LRRC42: variants seen among roughly 807,000 people sequenced by gnomAD.
The protein encoded by LRRC42 is leucine rich repeat containing 42.
LRRC42 carries 43 observed loss-of-function variants against 44.3 expected under a neutral mutation model. That is an observed-to-expected ratio of 0.97 (90% CI 0.76 to 1.25). The LOEUF (loss-of-function observed/expected upper bound fraction) is 1.25, where lower values mean the gene tolerates loss of function less well. Ranked by LOEUF, LRRC42 falls within the 50% of genes most tolerant of loss-of-function variation. The pLI is 0.00. For missense variants in LRRC42, 540 were observed against 509.1 expected (o/e 1.06, Z -0.58); for synonymous variants, 207 against 195.2 (o/e 1.06, Z -0.50).
chr1:53,964,504 G>T (rs1245853941), intron 7 of LRRC42, among the ~76,000 whole-genome samples: 1 of 152,050 alleles, frequency 6.6e-6, no homozygotes, highest in South Asian at 2.1e-4. Flanking sequence ...TCCCCGACCA[G>T]CTCTTATTGA....
chr1:53,960,191 T>C (rs2100927542), intron 4 of LRRC42, among the ~76,000 whole-genome samples, 165 bp from the exon 5 acceptor site: 1 of 152,336 alleles, frequency 6.6e-6, no homozygotes, highest in South Asian at 2.1e-4. Flanking sequence ...TGAGCCACCA[T>C]GCCCAGCCCA....
intron 4 of LRRC42, among the ~76,000 whole-genome samples, chr1:53,959,510 G>C (rs1211016832): frequency 6.6e-6 from 1 of 152,180 alleles, no homozygotes; most frequent in Non-Finnish European, 1.5e-5. Context: ...AAAAGATGCT[G>C]TTGTGTGAGG....
intron 4 of LRRC42, among the ~76,000 whole-genome samples, chr1:53,960,030 C>T (rs1020498817): frequency 6.6e-6 from 1 of 151,164 alleles, no homozygotes; most frequent in African/African-American, 2.4e-5. Flanking sequence ...AAGCCATCTT[C>T]CTGCCTCAGC....
At chr1:53,967,568 T>A in intron 8 of LRRC42, 97 bp from the exon 9 acceptor site, 1 of 1,174,744 alleles carries the variant, frequency 8.5e-7, no homozygotes, top group Middle Eastern at 2.1e-4. Flanking sequence ...TATCACCCTG[T>A]TTGGGCCTTT....
At chr1:53,960,866 C>T (rs1026437012) in intron 5 of LRRC42, among the ~76,000 whole-genome samples, 5 of 152,094 alleles carry the variant, frequency 3.3e-5, no homozygotes, top group Non-Finnish European at 7.4e-5. Context: ...GCTGGATGAA[C>T]GGATAATTTA....
In LRRC42 at chr1:53,967,732, C is replaced by A; in HGVS notation, c.1080C>A (p.Ser360=). 6.2e-7 allele frequency: 1 copy of A among 1,614,082 alleles called. No individual in the cohort carries two copies. Among genetic ancestry groups the A allele is most frequent in the South Asian group, 1.1e-5 (1 of 91,074 alleles). Residue 360 remains serine (S), a synonymous_variant, in exon 9 of 9, where the codon TCC becomes TCA. Coordinates refer to ENST00000371370, the MANE Select transcript of LRRC42 (RefSeq NM_001256409.2). The part of the protein sequence containing the change: ...CPLADTHMNS[S]EKLQFYKEKA... ...TGGCAGACACCCACATGAACTCTTC[C>A]GAGAAACTCCAGTTCTATAAAGAGA...
chr1:53,960,573 G>C, intron 5 of LRRC42, 99 bp downstream of exon 5: 1 of 910,690 alleles, frequency 1.1e-6, no homozygotes, highest in South Asian at 1.7e-5. Flanking sequence ...AGAAAGGAAA[G>C]GTGACTTTCC....
chr1:53,951,261 A>G (rs776551160), intron 2 of LRRC42, among the ~76,000 whole-genome samples: 2 of 152,392 alleles, frequency 1.3e-5, no homozygotes, highest in East Asian at 3.9e-4. Flanking sequence ...CGTGTAAGTC[A>G]TAATGTATTT....
chr1:53,956,261 A>G (rs774918461), intron 3 of LRRC42, among the ~76,000 whole-genome samples: 3 of 152,208 alleles, frequency 2.0e-5, no homozygotes, highest in Admixed American at 6.5e-5. Context: ...CTGAATTCCA[A>G]CCTTACGAAA....
At chr1:53,953,012 A>T (rs775777628) in intron 3 of LRRC42, among the ~76,000 whole-genome samples, 2 of 152,234 alleles carry the variant, frequency 1.3e-5, no homozygotes, top group Non-Finnish European at 2.9e-5. Flanking sequence ...CATATGCTTT[A>T]TTTAAAATTT....
In LRRC42 at chr1:53,966,316, T is replaced by C; in HGVS notation, c.948T>C (p.Arg316=). 1.2e-6 allele frequency: 2 copies of C among 1,613,614 alleles called. No individual in the cohort carries two copies. Among genetic ancestry groups the C allele is most frequent in the Non-Finnish European group, 1.7e-6 (2 of 1,179,530 alleles). ...WADQIVLQWE[R]VTAEAVKPRE... is the part of the protein sequence containing the mutation. Reference sequence around the variant, plus strand: ...TTCAGATCGTTCTGCAGTGGGAGCGTGTGACTGCGGAAGCTGTGAAGCCAC... The same window carrying C: ...TTCAGATCGTTCTGCAGTGGGAGCGCGTGACTGCGGAAGCTGTGAAGCCAC... Residue 316 remains arginine, a synonymous_variant, in exon 8 of 9, where the codon CGT becomes CGC. Coordinates refer to ENST00000371370, the MANE Select transcript of LRRC42 (RefSeq NM_001256409.2).
chr1:53,959,631 AC>A (rs1654940872), intron 4 of LRRC42, among the ~76,000 whole-genome samples: 7 of 152,262 alleles, frequency 4.6e-5, no homozygotes, highest in Admixed American at 4.6e-4. Flanking sequence ...ATTAACCCAA[AC>A]TGAAAATCTA....
At chr1:53,949,156 C>T (rs1279385647) in intron 2 of LRRC42, among the ~76,000 whole-genome samples, 1 of 152,172 alleles carries the variant, frequency 6.6e-6, no homozygotes, top group Non-Finnish European at 1.5e-5. Flanking sequence ...GAAGCCAAAG[C>T]AGCCAGGATT....
rs199672935 is a variant in LRRC42 at position 53,966,351 on chromosome 1, C to T, written c.983C>T (p.Ser328Leu). 6.2e-6 allele frequency: 10 copies of T among 1,613,768 alleles called. No individual in the cohort carries two copies. The highest frequency in any genetic ancestry group is 2.2e-5 in the East Asian group (1 of 44,896). Residue 328 changes from serine (S) to leucine (L), a missense_variant, in exon 8 of 9, where the codon TCG (serine) becomes TTG (leucine). Transcript: ENST00000371370. ...TAEAVKPRETSEPRAAAQRFY... is the reference protein window; with the variant it reads ...TAEAVKPRETLEPRAAAQRFY... The stretch of plus-strand genomic sequence containing the variant: ...GAAGCTGTGAAGCCACGGGAGACCT[C>T]GGAGCCTAGAGCAGCAGCTCAGCGC...
intron 7 of LRRC42, among the ~76,000 whole-genome samples, chr1:53,965,695 T>G (rs1383359319): frequency 1.3e-5 from 2 of 151,332 alleles, no homozygotes; most frequent in African/African-American, 2.4e-5. Context: ...CAGGATGGTC[T>G]CGATCTCCTG....
chr1:53,957,377 C>A (rs1365446804), intron 3 of LRRC42, among the ~76,000 whole-genome samples: 1 of 152,210 alleles, frequency 6.6e-6, no homozygotes, highest in Non-Finnish European at 1.5e-5. Context: ...TTCTCACTGA[C>A]CTCATCTGAG....
chr1:53,953,806 A>T (rs539054104), intron 3 of LRRC42, among the ~76,000 whole-genome samples: 15 of 150,840 alleles, frequency 9.9e-5, no homozygotes, highest in Admixed American at 9.9e-4. Context: ...ATCTCAGCTC[A>T]CTGCAACCTC....
intron 7 of LRRC42, among the ~76,000 whole-genome samples, chr1:53,963,681 T>A (rs1557649113): frequency 6.6e-6 from 1 of 152,192 alleles, no homozygotes; most frequent in Admixed American, 6.5e-5. Flanking sequence ...TGCCTATGTC[T>A]TGGGGATCTG....
chr1:53,949,740 G>T (rs1377298630), intron 2 of LRRC42, among the ~76,000 whole-genome samples: 1 of 152,152 alleles, frequency 6.6e-6, no homozygotes, highest in Non-Finnish European at 1.5e-5. Context: ...CTGTTTTTTA[G>T]TTTAGTTGTC....
Sources: gnomAD v4.1 joint callset for allele counts (sites outside exome capture counted in the v4.1 genomes callset) on GRCh38, gnomAD v4.1.1 for gene constraint, MANE v1.5 for transcripts, NCBI Gene and HGNC (gene_info 2026-07-23, HGNC 2026-07-21) for gene names.